RABGAP1L: variants seen among roughly 807,000 people sequenced by gnomAD.
The protein encoded by RABGAP1L is rab GTPase-activating protein 1-like.
Under a neutral mutation model 137.7 loss-of-function variants are expected in RABGAP1L, and 63 were observed. The observed-to-expected ratio is 0.46, with a 90% CI of 0.37 to 0.56. The LOEUF (loss-of-function observed/expected upper bound fraction) is 0.56. RABGAP1L is among the 20% of genes least tolerant of loss of function. The pLI, the probability that RABGAP1L is intolerant of heterozygous loss-of-function variation, is 0.00. For missense variants in RABGAP1L, 1,095 were observed against 1,244.0 expected (o/e 0.88, Z 1.80); for synonymous variants, 431 against 433.7 (o/e 0.99, Z 0.08).
rs547954814 is a variant in RABGAP1L at position 174,663,579 on chromosome 1, T to G, written c.1825-19943T>G. Among the ~76,000 whole-genome samples the G allele has an allele frequency of 3.0e-4, 45 of 152,206 alleles. 1 individual carries two copies. Among genetic ancestry groups the G allele is most frequent in the South Asian group, 6.2e-4 (3 of 4,834 alleles). On this transcript the variant is annotated intron_variant, in intron 14 of 25. Transcript: ENST00000681986. ...CCTGTCGTTAAGGAAGGGGAATGCC[T>G]GTGCATATATGTATATATACTCACA...
chr1:174,752,179 C>T (rs929536405), intron 17 of RABGAP1L, 134 bp from the exon 18 acceptor site: 1 of 675,374 alleles, frequency 1.5e-6, no homozygotes, highest in Non-Finnish European at 2.4e-6. Context: ...TAAAAAAAAA[C>T]TCATGGTTTA....
intron 13 of RABGAP1L, among the ~76,000 whole-genome samples, chr1:174,431,368 G>A (rs1356413226): frequency 2.0e-5 from 3 of 152,154 alleles, no homozygotes; most frequent in African/African-American, 7.2e-5. Context: ...AAAAGATCGT[G>A]ATTAATGGAT....
intron 11 of RABGAP1L, among the ~76,000 whole-genome samples, chr1:174,331,012 A>G (rs1680982966): frequency 6.6e-6 from 1 of 152,212 alleles, no homozygotes; most frequent in Admixed American, 6.5e-5. Flanking sequence ...GGAACAAAAT[A>G]GAGAGTCCCG....
chr1:174,280,048 GGAGAGAGAGAGAGAGAGA>G (rs59262212), intron 10 of RABGAP1L, among the ~76,000 whole-genome samples: 11 of 125,254 alleles, frequency 8.8e-5, no homozygotes, highest in Admixed American at 3.4e-4. Context: ...CTGTCTGCCT[GGAGAGAGAGAGAGAGAGA>G]GAGAGAGAGA....
chr1:174,839,692 G>A (rs1693174259), intron 19 of RABGAP1L, among the ~76,000 whole-genome samples: 2 of 152,190 alleles, frequency 1.3e-5, no homozygotes, highest in East Asian at 1.9e-4. Context: ...TCCCCTATTA[G>A]ATTTTGAGTT....
chr1:174,454,143 G>A (rs184072282), intron 13 of RABGAP1L, among the ~76,000 whole-genome samples: 4 of 152,050 alleles, frequency 2.6e-5, no homozygotes, highest in Non-Finnish European at 4.4e-5. Flanking sequence ...TGCACCTGTA[G>A]TCCCAGCCAC....
At chr1:174,956,903 C>T (rs2149341250) in intron 19 of RABGAP1L, among the ~76,000 whole-genome samples, 1 of 152,258 alleles carries the variant, frequency 6.6e-6, no homozygotes, top group Non-Finnish European at 1.5e-5. Flanking sequence ...CCACCTCAGC[C>T]TCCCAAAGTG....
chr1:174,638,540 A>G (rs1345078501), intron 14 of RABGAP1L, among the ~76,000 whole-genome samples: 1 of 150,722 alleles, frequency 6.6e-6, no homozygotes, highest in Non-Finnish European at 1.5e-5. Flanking sequence ...TACTTGGTAT[A>G]TACCCAAATG....
At chr1:174,438,022 G>C (rs956181902) in intron 13 of RABGAP1L, among the ~76,000 whole-genome samples, 14 of 152,158 alleles carry the variant, frequency 9.2e-5, no homozygotes, top group East Asian at 5.8e-4. Context: ...CAAATGCTGA[G>C]AGATTTTGTC....
rs1672631372 is a variant in RABGAP1L, at chr1:174,250,507, A to T, written c.750A>T (p.Ala250=). 1 of 1,613,544 alleles carries T rather than the reference A, an allele frequency of 6.2e-7. No homozygotes were observed. ...GAATTTTGTACAGTTTCTGTACAGC[A>T]TTCAAACGTTCTTCCAGACAAGTGT... is the stretch of plus-strand genomic sequence containing the variant. ...VSRILYSFCT[A]FKRSSRQVSD... is the part of the protein sequence containing the mutation. The change falls in exon 6 of 26, where the codon GCA becomes GCT. Residue 250 remains alanine (A), a synonymous_variant. Coordinates refer to ENST00000681986, the MANE Select transcript of RABGAP1L (RefSeq NM_001366446.1).
At chr1:174,470,788 A>G (rs1049914598) in intron 13 of RABGAP1L, among the ~76,000 whole-genome samples, 38 of 152,250 alleles carry the variant, frequency 2.5e-4, no homozygotes, top group African/African-American at 8.2e-4. Context: ...AAAAATCAAA[A>G]TAAAAACTAA....
chr1:174,360,911 C>T (rs1306127483), intron 11 of RABGAP1L, among the ~76,000 whole-genome samples: 1 of 152,132 alleles, frequency 6.6e-6, no homozygotes, highest in East Asian at 1.9e-4. Flanking sequence ...AATCCCAGCA[C>T]TTTGGGAGGC....
At chr1:174,771,094 A>G (rs1686077629) in intron 18 of RABGAP1L, among the ~76,000 whole-genome samples, 1 of 152,232 alleles carries the variant, frequency 6.6e-6, no homozygotes, top group Non-Finnish European at 1.5e-5. Context: ...GGTGAGAGTG[A>G]ACAGCATGTA....
At chr1:174,643,913 A>AGGGG (rs144227616) in intron 14 of RABGAP1L, among the ~76,000 whole-genome samples, 1 of 140,488 alleles carries the variant, frequency 7.1e-6, no homozygotes. Context: ...TCACTTATAT[A>AGGGG]GGGGTGTGTG....
chr1:174,722,143 G>C (rs557289176), intron 17 of RABGAP1L, among the ~76,000 whole-genome samples: 1 of 152,146 alleles, frequency 6.6e-6, no homozygotes, highest in Non-Finnish European at 1.5e-5. Context: ...TGTTGGCCAG[G>C]ATGGTCCCCA....
chr1:174,258,476 T>TG (rs1242416081), intron 7 of RABGAP1L, among the ~76,000 whole-genome samples: 5 of 152,118 alleles, frequency 3.3e-5, no homozygotes, highest in Non-Finnish European at 7.4e-5. Context: ...TTTGGAGAGA[T>TG]GGGGGTCTCC....
At chr1:174,642,765 C>G (rs368437385) in intron 14 of RABGAP1L, among the ~76,000 whole-genome samples, 5 of 117,528 alleles carry the variant, frequency 4.3e-5, no homozygotes, top group East Asian at 2.5e-4. Flanking sequence ...CTTCCCCTCT[C>G]TCCCTCTCCC....
chr1:174,738,876 G>A (rs894097398), intron 17 of RABGAP1L, among the ~76,000 whole-genome samples: 3 of 152,156 alleles, frequency 2.0e-5, no homozygotes, highest in Admixed American at 6.5e-5. Flanking sequence ...TGCAGCAACC[G>A]CTATATTACT....
intron 24 of RABGAP1L, among the ~76,000 whole-genome samples, chr1:174,984,741 CA>C (rs1350752348): frequency 6.6e-6 from 1 of 151,152 alleles, no homozygotes; most frequent in South Asian, 2.1e-4. Flanking sequence ...GATTCCATCT[CA>C]AAAAAACAAA....
Sources: allele counts gnomAD v4.1 joint callset (sites outside exome capture counted in the v4.1 genomes callset), GRCh38; gene constraint gnomAD v4.1.1; transcripts MANE v1.5; gene names NCBI Gene and HGNC (gene_info 2026-07-23, HGNC 2026-07-21).